The following LHFPL3 variants were observed in gnomAD, a reference collection of about 807,000 sequenced individuals.
LHFPL3 encodes the protein LHFPL tetraspan subfamily member 3.
LHFPL3 carries 5 observed loss-of-function variants against 19.3 expected under a neutral mutation model. That is an observed-to-expected ratio of 0.26 (90% CI 0.14 to 0.54). The LOEUF (loss-of-function observed/expected upper bound fraction) is 0.54. Among genes scored for constraint, LHFPL3 ranks in the 20% least tolerant of loss-of-function variants. The pLI, the probability that LHFPL3 is intolerant of heterozygous loss-of-function variation, is 0.94. For synonymous variants in LHFPL3, 133 were observed against 126.2 expected (o/e 1.05, Z -0.36); for missense variants, 249 against 307.4 (o/e 0.81, Z 1.42).
intron 1 of LHFPL3, among the ~76,000 whole-genome samples, chr7:104,518,179 A>G (rs1394321162): frequency 1.3e-5 from 2 of 152,192 alleles, no homozygotes; most frequent in East Asian, 1.9e-4. Context: ...TATAATTTAT[A>G]CTGTTTGTTT....
intron 2 of LHFPL3, among the ~76,000 whole-genome samples, chr7:104,792,675 C>T (rs1401712710): frequency 1.3e-5 from 2 of 152,128 alleles, no homozygotes; most frequent in Non-Finnish European, 1.5e-5. Context: ...TTCTCATATT[C>T]GGTAACTTAT....
chr7:104,787,598 T>C (rs953495751), intron 2 of LHFPL3, among the ~76,000 whole-genome samples: 1 of 152,200 alleles, frequency 6.6e-6, no homozygotes, highest in Non-Finnish European at 1.5e-5. Context: ...TAACCCAAGC[T>C]GGAGTGCAGT....
intron 2 of LHFPL3, among the ~76,000 whole-genome samples, chr7:104,805,636 T>C (rs1790345947): frequency 6.6e-6 from 1 of 152,174 alleles, no homozygotes; most frequent in Admixed American, 6.5e-5. Flanking sequence ...AAAGGAGGCT[T>C]CACAGAGCTG....
chr7:104,533,420 G>C (rs747076136), intron 1 of LHFPL3, among the ~76,000 whole-genome samples: 2 of 152,070 alleles, frequency 1.3e-5, no homozygotes, highest in Non-Finnish European at 2.9e-5. Flanking sequence ...CCTACTCTCA[G>C]AGTTTTAGCC....
chr7:104,517,769 A>T (rs1398614118), intron 1 of LHFPL3, among the ~76,000 whole-genome samples: 1 of 152,110 alleles, frequency 6.6e-6, no homozygotes, highest in East Asian at 1.9e-4. Context: ...TGGCCTCCCA[A>T]AGTGCTGGGA....
At chr7:104,867,630 G>A (rs1467043877) in intron 2 of LHFPL3, among the ~76,000 whole-genome samples, 1 of 152,170 alleles carries the variant, frequency 6.6e-6, no homozygotes, top group Non-Finnish European at 1.5e-5. Context: ...TGGAGTCACA[G>A]CTGAATTCTA....
chr7:104,694,134 A>G (rs185266345), intron 1 of LHFPL3, among the ~76,000 whole-genome samples: 3 of 152,298 alleles, frequency 2.0e-5, no homozygotes, highest in Non-Finnish European at 4.4e-5. Context: ...GGTGTTCTAG[A>G]ATTTATCACC....
At chr7:104,771,816 CTTTTTTTTTTT>C (rs71155523) in intron 2 of LHFPL3, among the ~76,000 whole-genome samples, 2 of 75,412 alleles carry the variant, frequency 2.7e-5, no homozygotes, top group Non-Finnish European at 4.8e-5. Context: ...TTTTGCCTCT[CTTTTTTTTTTT>C]TTTTTTTTTT....
intron 1 of LHFPL3, among the ~76,000 whole-genome samples, chr7:104,484,257 A>C (rs1793195295): frequency 1.3e-5 from 2 of 152,144 alleles, no homozygotes; most frequent in Non-Finnish European, 2.9e-5. Flanking sequence ...GGGAAGCAGG[A>C]CTGAACAGAC....
chr7:104,647,672 A>G (rs1007253097), intron 1 of LHFPL3, among the ~76,000 whole-genome samples: 1 of 152,246 alleles, frequency 6.6e-6, no homozygotes, highest in Non-Finnish European at 1.5e-5. Context: ...AATTTGTTTT[A>G]AAAACTTCAC....
chr7:104,742,256 G>C (rs943151853), intron 2 of LHFPL3, among the ~76,000 whole-genome samples: 1 of 152,104 alleles, frequency 6.6e-6, no homozygotes, highest in Non-Finnish European at 1.5e-5. Context: ...TTCTGCATTT[G>C]TGTATATGGT....
rs572597155 is a variant in LHFPL3 at position 104,348,339 on chromosome 7, C to T, written c.445+19115C>T. On this transcript the variant is annotated intron_variant, in intron 1 of 2. Transcript: ENST00000424859. ...CGGAGCTTGCAGTGAGCCGAGATCT[C>T]GTACTATTGCACTCCAGCCTGGCGA... 6.6e-5 allele frequency among the ~76,000 whole-genome samples: 10 copies of T among 152,260 alleles called. 1 individual carries two copies. In the South Asian group the frequency reaches 1.9e-3, roughly 28 times the overall value.
At chr7:104,477,320 T>C (rs986729816) in intron 1 of LHFPL3, among the ~76,000 whole-genome samples, 32 of 152,320 alleles carry the variant, frequency 2.1e-4, no homozygotes, top group Admixed American at 1.8e-3. Context: ...AGGCATTTTC[T>C]CTCAGTTATT....
intron 1 of LHFPL3, among the ~76,000 whole-genome samples, chr7:104,349,065 G>T (rs1258812560): frequency 6.6e-6 from 1 of 151,960 alleles, no homozygotes; most frequent in Non-Finnish European, 1.5e-5. Flanking sequence ...CTGGCTTGAA[G>T]TTAAAACTCT....
At chr7:104,782,658 C>A (rs575293607) in intron 2 of LHFPL3, among the ~76,000 whole-genome samples, 1 of 152,320 alleles carries the variant, frequency 6.6e-6, no homozygotes, top group Admixed American at 6.5e-5. Flanking sequence ...CATAGCACAT[C>A]ACTCTTCTGA....
chr7:104,871,345 T>C (rs2116659611), intron 2 of LHFPL3, among the ~76,000 whole-genome samples: 1 of 152,246 alleles, frequency 6.6e-6, no homozygotes, highest in Non-Finnish European at 1.5e-5. Flanking sequence ...GGATAAAGTG[T>C]GGTACACCTG....
At chr7:104,494,542 T>C (rs913036234) in intron 1 of LHFPL3, among the ~76,000 whole-genome samples, 1 of 152,174 alleles carries the variant, frequency 6.6e-6, no homozygotes, top group Non-Finnish European at 1.5e-5. Context: ...GCTTCACCCA[T>C]GCTAAGAAAG....
intron 1 of LHFPL3, among the ~76,000 whole-genome samples, chr7:104,542,211 A>T (rs1794498886): frequency 6.6e-6 from 1 of 152,080 alleles, no homozygotes; most frequent in African/African-American, 2.4e-5. Context: ...CAGTTCCAGG[A>T]CCTAGTCCTA....
chr7:104,745,356 T>C (rs1170758864), intron 2 of LHFPL3, among the ~76,000 whole-genome samples: 2 of 152,250 alleles, frequency 1.3e-5, no homozygotes, highest in Non-Finnish European at 2.9e-5. Context: ...ATTTGCACAC[T>C]GTGAAGTTTT....
Sources: gnomAD v4.1 joint callset for allele counts (sites outside exome capture counted in the v4.1 genomes callset) on GRCh38, gnomAD v4.1.1 for gene constraint, MANE v1.5 for transcripts, NCBI Gene and HGNC (gene_info 2026-07-23, HGNC 2026-07-21) for gene names.